Variants in PLCL2 observed in about 807,000 individuals in gnomAD.
The protein encoded by PLCL2 is inactive phospholipase C-like protein 2.
In PLCL2, 4 loss-of-function variants were observed where a neutral mutation model predicts 79.6. The ratio of observed to expected loss-of-function variants is 0.05; its 90% CI spans 0.02 to 0.11. The LOEUF (loss-of-function observed/expected upper bound fraction) is 0.11, where lower values mean the gene tolerates loss of function less well. Among genes scored for constraint, PLCL2 ranks in the 10% least tolerant of loss-of-function variants. PLCL2 has a pLI of 1.00. For missense variants in PLCL2, 895 were observed against 1,291.0 expected (o/e 0.69, Z 4.70); for synonymous variants, 484 against 457.7 (o/e 1.06, Z -0.73).
intron 1 of PLCL2, among the ~76,000 whole-genome samples, chr3:16,902,392 A>G (rs1188884455): frequency 6.6e-6 from 1 of 152,202 alleles, no homozygotes; most frequent in Non-Finnish European, 1.5e-5. Flanking sequence ...CGTGATTTCC[A>G]TGCATTTACC....
intron 1 of PLCL2, among the ~76,000 whole-genome samples, chr3:16,902,323 A>G (rs1247053630): frequency 6.6e-6 from 1 of 152,124 alleles, no homozygotes; most frequent in Non-Finnish European, 1.5e-5. Flanking sequence ...GAGTGCATTT[A>G]CCTTTTTGAA....
Position 17,085,612 on chromosome 3 carries a change from G to A in PLCL2, c.3205-4121G>A, listed in dbSNP as rs574712241. 3.9e-5 allele frequency among the ~76,000 whole-genome samples: 6 copies of A among 151,908 alleles called. No individual in the cohort carries two copies. In the East Asian group the frequency reaches 1.2e-3, roughly 30 times the overall value. On this transcript the variant is annotated intron_variant, in intron 5 of 5. Transcript: ENST00000615277. The stretch of plus-strand genomic sequence containing the variant: ...CTACAGGCGCCCGCCACCACGCCCG[G>A]CTAATTTTTTGTATTTTTAGTAGAG...
At chr3:17,015,140 A>G (rs1000273551) in intron 3 of PLCL2, among the ~76,000 whole-genome samples, 3 of 152,230 alleles carry the variant, frequency 2.0e-5, no homozygotes, top group Non-Finnish European at 4.4e-5. Flanking sequence ...ATTAAACATT[A>G]GTTAGCTTCT....
At chr3:16,925,085 C>T (rs913241690) in intron 1 of PLCL2, among the ~76,000 whole-genome samples, 15 of 151,832 alleles carry the variant, frequency 9.9e-5, no homozygotes, top group Non-Finnish European at 1.8e-4. Flanking sequence ...CATCATGCCC[C>T]GCTAATTTTT....
intron 1 of PLCL2, among the ~76,000 whole-genome samples, chr3:16,891,889 G>A (rs1274468154): frequency 6.6e-6 from 1 of 152,100 alleles, no homozygotes; most frequent in Admixed American, 6.5e-5. Context: ...TAATCTTTAA[G>A]GTTTTCCTCA....
At chr3:17,013,271 A>T (rs1372731813) in intron 2 of PLCL2, among the ~76,000 whole-genome samples, 1 of 152,218 alleles carries the variant, frequency 6.6e-6, no homozygotes, top group Non-Finnish European at 1.5e-5. Context: ...CCAAAGCCTC[A>T]TCTGCACTGA....
intron 1 of PLCL2, among the ~76,000 whole-genome samples, chr3:16,959,528 T>C (rs529336348): frequency 6.6e-6 from 1 of 152,302 alleles, no homozygotes; most frequent in African/African-American, 2.4e-5. Flanking sequence ...CCTTCCTTGC[T>C]GGTTGCTTTT....
chr3:16,980,392 G>A (rs1460124244), intron 1 of PLCL2, among the ~76,000 whole-genome samples: 3 of 147,012 alleles, frequency 2.0e-5, no homozygotes, highest in South Asian at 4.4e-4. Flanking sequence ...GGCGGCTGCC[G>A]GCCGGAGGGG....
At chr3:16,989,946 AG>A (rs1648301412) in intron 1 of PLCL2, among the ~76,000 whole-genome samples, 1 of 152,188 alleles carries the variant, frequency 6.6e-6, no homozygotes, top group African/African-American at 2.4e-5. Flanking sequence ...GAAAGGAAAG[AG>A]GGGAAAGGAT....
intron 1 of PLCL2, among the ~76,000 whole-genome samples, chr3:17,005,874 A>C (rs1009341358): frequency 1.3e-5 from 2 of 152,184 alleles, no homozygotes; most frequent in Non-Finnish European, 2.9e-5. Flanking sequence ...GCAGAATTGC[A>C]CCAAGTTTCC....
At chr3:17,019,147 A>G (rs2064418345) in intron 3 of PLCL2, among the ~76,000 whole-genome samples, 1 of 152,238 alleles carries the variant, frequency 6.6e-6, no homozygotes, top group Admixed American at 6.5e-5. Flanking sequence ...ACCTGTAAGA[A>G]TGAGTTGGAA....
At chr3:17,051,118 G>A (rs1386912939) in intron 4 of PLCL2, among the ~76,000 whole-genome samples, 1 of 151,146 alleles carries the variant, frequency 6.6e-6, no homozygotes, top group African/African-American at 2.4e-5. Context: ...TGGAGATAGA[G>A]AATGGAAAGA....
chr3:16,894,814 A>T (rs1337861815), intron 1 of PLCL2, among the ~76,000 whole-genome samples: 3 of 152,100 alleles, frequency 2.0e-5, no homozygotes, highest in African/African-American at 7.2e-5. Context: ...TTATTTTNAA[A>T]AAAATGGTAT....
At chr3:16,923,203 G>C (rs1034878423) in intron 1 of PLCL2, among the ~76,000 whole-genome samples, 12 of 152,200 alleles carry the variant, frequency 7.9e-5, no homozygotes, top group Non-Finnish European at 1.5e-4. Flanking sequence ...CCTGTTGGAG[G>C]GATAAGGGAG....
At chr3:17,006,524 T>C (rs1301229194) in intron 1 of PLCL2, among the ~76,000 whole-genome samples, 2 of 152,186 alleles carry the variant, frequency 1.3e-5, no homozygotes, top group African/African-American at 4.8e-5. Flanking sequence ...TACTCCTCTA[T>C]TGGTGTTTTC....
intron 1 of PLCL2, among the ~76,000 whole-genome samples, chr3:16,913,807 G>C (rs775030369): frequency 1.3e-5 from 2 of 152,116 alleles, no homozygotes; most frequent in Admixed American, 6.6e-5. Flanking sequence ...GGGGGTGCTA[G>C]ATTTAGAAAT....
intron 1 of PLCL2, among the ~76,000 whole-genome samples, chr3:16,932,671 T>C (rs1697434443): frequency 6.6e-6 from 1 of 152,210 alleles, no homozygotes; most frequent in South Asian, 2.1e-4. Context: ...TAATGCACGG[T>C]AGCTGATCAG....
chr3:16,981,269 A>G (rs1483021785), intron 1 of PLCL2, among the ~76,000 whole-genome samples: 1 of 152,252 alleles, frequency 6.6e-6, no homozygotes, highest in African/African-American at 2.4e-5. Flanking sequence ...GGAAGCAAGT[A>G]CATTTTCCCC....
intron 1 of PLCL2, among the ~76,000 whole-genome samples, chr3:16,964,223 A>G (rs1011679571): frequency 2.4e-5 from 3 of 126,592 alleles, no homozygotes; most frequent in Non-Finnish European, 4.7e-5. Flanking sequence ...TCCTGTGTCT[A>G]AGTGTTCTCA....
Sources: gnomAD v4.1 joint callset for allele counts (sites outside exome capture counted in the v4.1 genomes callset) on GRCh38, gnomAD v4.1.1 for gene constraint, MANE v1.5 for transcripts, NCBI Gene and HGNC (gene_info 2026-07-23, HGNC 2026-07-21) for gene names.